SLC28A1: variants seen among roughly 807,000 people sequenced by gnomAD.
SLC28A1 encodes the protein sodium/nucleoside cotransporter 1.
A neutral mutation model predicts 74.8 loss-of-function variants in SLC28A1; 64 were observed. The ratio of observed to expected loss-of-function variants is 0.86; its 90% CI spans 0.70 to 1.05. The LOEUF is 1.05. Among genes scored for constraint, SLC28A1 ranks in the 50% least tolerant of loss-of-function variants. The pLI is 0.00. For missense variants in SLC28A1, 828 were observed against 822.8 expected, an observed-to-expected ratio of 1.01 and a Z score of -0.08; for synonymous variants, 359 against 335.0, an observed-to-expected ratio of 1.07 and a Z score of -0.78.
At chr15:84,953,453 G>A in the SLC28A1 span, among the ~76,000 whole-genome samples, 2 of 152,216 alleles carry the variant, frequency 1.3e-5, no homozygotes, top group South Asian at 4.1e-4. Flanking sequence ...GAAAGCCTGA[G>A]CCAGGTGGCT....
At chr15:84,895,769 G>C (rs1965936019) in intron 6 of SLC28A1, 1 of 1,206,252 alleles carries the variant, frequency 8.3e-7, no homozygotes, top group Non-Finnish European at 1.0e-6. Context: ...GAAAAAAACA[G>C]TTTCTATGGC....
the SLC28A1 span, among the ~76,000 whole-genome samples, chr15:84,971,582 G>A: frequency 6.6e-6 from 1 of 152,046 alleles, no homozygotes; most frequent in African/African-American, 2.4e-5. Flanking sequence ...CCAGATGCTG[G>A]TGCCATGCTT....
chr15:84,967,336 A>T, the SLC28A1 span, among the ~76,000 whole-genome samples: 1 of 152,118 alleles, frequency 6.6e-6, no homozygotes, highest in South Asian at 2.1e-4. Context: ...TCTACCCCCC[A>T]CCTCACCAAA....
chr15:84,950,277 A>T (rs1223550337), downstream of SLC28A1, among the ~76,000 whole-genome samples: 1 of 152,154 alleles, frequency 6.6e-6, no homozygotes, highest in South Asian at 2.1e-4. Flanking sequence ...TCAAAATTTT[A>T]AAATATCAGG....
chr15:84,899,997 A>AGAAAAAGGC (rs778811557), intron 6 of SLC28A1, among the ~76,000 whole-genome samples: 1 of 148,708 alleles, frequency 6.7e-6, no homozygotes, highest in Non-Finnish European at 1.5e-5. Context: ...GGAAAAGAAA[A>AGAAAAAGGC]AGGCAGGCAG....
chr15:84,912,820 A>G (rs796895205), intron 9 of SLC28A1, among the ~76,000 whole-genome samples: 30,190 of 129,888 alleles, frequency 0.23, 3,484 homozygotes, highest in South Asian at 0.48. Context: ...ACACACACAC[A>G]CACACACACA....
the SLC28A1 span, among the ~76,000 whole-genome samples, chr15:84,956,468 C>CTTTCTTTCCTTCTTTCTTTCTTTCTTTCT: frequency 3.0e-5 from 2 of 67,054 alleles, no homozygotes; most frequent in African/African-American, 8.9e-5. Flanking sequence ...TCTTTCTTTC[C>CTTTCTTTCCTTCTTTCTTTCTTTCTTTCT]TTCTTTCTTT....
At chr15:84,918,108 T>C (rs187867392) in intron 9 of SLC28A1, among the ~76,000 whole-genome samples, 61 of 151,974 alleles carry the variant, frequency 4.0e-4, no homozygotes, top group Non-Finnish European at 2.9e-4. Flanking sequence ...AAGGCCAGAG[T>C]CTGAGGCCAA....
intron 9 of SLC28A1, among the ~76,000 whole-genome samples, chr15:84,914,748 C>A (rs1968842920): frequency 1.3e-5 from 2 of 152,158 alleles, no homozygotes; most frequent in Non-Finnish European, 1.5e-5. Context: ...GTTCTGCCAC[C>A]TCACATCCTG....
intron 15 of SLC28A1, among the ~76,000 whole-genome samples, chr15:84,941,668 G>C (rs776514201): frequency 6.6e-6 from 1 of 152,128 alleles, no homozygotes; most frequent in Non-Finnish European, 1.5e-5. Flanking sequence ...TGGGTCACTT[G>C]ATGCCCGGAG....
At chr15:84,884,918 A>C (rs1964404116) in intron 1 of SLC28A1, among the ~76,000 whole-genome samples, 167 bp downstream of exon 1, 1 of 152,138 alleles carries the variant, frequency 6.6e-6, no homozygotes, top group Non-Finnish European at 1.5e-5. Flanking sequence ...TGTGGTGGCC[A>C]CCCATGGAGA....
chr15:84,887,682 C>T (rs1964755821), intron 2 of SLC28A1, 63 bp from the exon 3 acceptor site: 2 of 1,588,072 alleles, frequency 1.3e-6, no homozygotes, highest in East Asian at 4.5e-5. Flanking sequence ...TTCCCCGGGC[C>T]CCTAAACTGG....
chr15:84,923,352 T>TCCTCCCACCACCTCCTAAACCCC (rs574022972), intron 11 of SLC28A1, among the ~76,000 whole-genome samples: 1,643 of 152,166 alleles, frequency 0.011, 24 homozygotes, highest in African/African-American at 0.038. Flanking sequence ...ATTATCTATA[T>TCCTCCCACCACCTCCTAAACCCC]CCTCCCACCC....
At chr15:84,917,585 C>G (rs538155320) in intron 9 of SLC28A1, among the ~76,000 whole-genome samples, 2 of 151,654 alleles carry the variant, frequency 1.3e-5, no homozygotes, top group African/African-American at 4.9e-5. Flanking sequence ...CCCCCCACCC[C>G]CTTCTTAAAC....
chr15:84,901,630 CA>C (rs1452645855), intron 6 of SLC28A1, among the ~76,000 whole-genome samples: 8 of 152,090 alleles, frequency 5.3e-5, no homozygotes, highest in Admixed American at 4.6e-4. Context: ...CATCATTTAT[CA>C]GTAGAGAAAT....
chr15:84,890,202 G>A (rs963667408), intron 4 of SLC28A1, among the ~76,000 whole-genome samples: 42 of 152,360 alleles, frequency 2.8e-4, no homozygotes, highest in African/African-American at 8.7e-4. Context: ...AGCCCTGGAG[G>A]CAGGGACTAT....
At chr15:84,900,109 G>T (rs1369765257) in intron 6 of SLC28A1, among the ~76,000 whole-genome samples, 1 of 151,936 alleles carries the variant, frequency 6.6e-6, no homozygotes, top group Non-Finnish European at 1.5e-5. Context: ...TTAAGCCCAG[G>T]AGTTCAAGAC....
chr15:84,970,358 A>G, the SLC28A1 span, among the ~76,000 whole-genome samples: 1 of 152,200 alleles, frequency 6.6e-6, no homozygotes, highest in African/African-American at 2.4e-5. Context: ...CATGCCCGTG[A>G]CTAACCAATC....
chr15:84,886,271 T>C, intron 1 of SLC28A1: 1 of 985,294 alleles, frequency 1.0e-6, no homozygotes, highest in Non-Finnish European at 1.2e-6. Context: ...TTGGTTGCTG[T>C]TATAATAAAT....
Sources: gnomAD v4.1 joint callset for allele counts (sites outside exome capture counted in the v4.1 genomes callset) on GRCh38, gnomAD v4.1.1 for gene constraint, MANE v1.5 for transcripts, NCBI Gene and HGNC (gene_info 2026-07-23, HGNC 2026-07-21) for gene names.